SGCD: variants seen among roughly 807,000 people sequenced by gnomAD.
The protein encoded by SGCD is sarcoglycan delta.
SGCD carries 18 observed loss-of-function variants against 36.6 expected under a neutral mutation model. The observed-to-expected ratio is 0.49, with a 90% CI of 0.34 to 0.73. The LOEUF (loss-of-function observed/expected upper bound fraction) is 0.73. Among genes scored for constraint, SGCD ranks in the 30% least tolerant of loss-of-function variants. SGCD has a pLI of 0.01. For missense variants in SGCD, 387 were observed against 346.7 expected, an observed-to-expected ratio of 1.12 and a Z score of -0.92; for synonymous variants, 133 against 130.6, an observed-to-expected ratio of 1.02 and a Z score of -0.12.
chr5:156,402,514 T>A (rs536518931), intron 3 of SGCD, among the ~76,000 whole-genome samples: 1 of 152,276 alleles, frequency 6.6e-6, no homozygotes, highest in Admixed American at 6.5e-5. Flanking sequence ...ACTCCCTTTA[T>A]AGGAGTTTTA....
At chr5:155,826,180 C>G in the SGCD span, among the ~76,000 whole-genome samples, 1 of 152,158 alleles carries the variant, frequency 6.6e-6, no homozygotes, top group Non-Finnish European at 1.5e-5. Flanking sequence ...TATTGCTTTC[C>G]AAACTCAGGG....
At chr5:156,742,370 C>T (rs1034286260) in intron 7 of SGCD, among the ~76,000 whole-genome samples, 2 of 152,108 alleles carry the variant, frequency 1.3e-5, no homozygotes, top group Admixed American at 1.3e-4. Context: ...TATCCACTAT[C>T]CATATACTCT....
intron 4 of SGCD, among the ~76,000 whole-genome samples, chr5:156,529,139 G>T (rs758657878): frequency 1.3e-4 from 20 of 151,972 alleles, no homozygotes; most frequent in Non-Finnish European, 2.8e-4. Flanking sequence ...CTTAAGAAAG[G>T]CACATGGGCC....
intron 3 of SGCD, among the ~76,000 whole-genome samples, chr5:156,450,615 A>G (rs1414307047): frequency 2.6e-5 from 4 of 151,980 alleles, no homozygotes; most frequent in Non-Finnish European, 4.4e-5. Flanking sequence ...TTCCAGATTA[A>G]GAGATTCAAT....
chr5:155,821,367 G>T, the SGCD span, among the ~76,000 whole-genome samples: 1 of 152,008 alleles, frequency 6.6e-6, no homozygotes, highest in Admixed American at 6.6e-5. Context: ...AGGCTGGAGT[G>T]CAGTGGCCCA....
the SGCD span, among the ~76,000 whole-genome samples, chr5:155,753,900 A>T: frequency 6.6e-6 from 1 of 150,918 alleles, no homozygotes. Context: ...GTCACATTTA[A>T]TTTTTTTTTT....
intron 1 of SGCD, among the ~76,000 whole-genome samples, chr5:156,082,967 G>A (rs1373273554): frequency 6.6e-6 from 1 of 151,874 alleles, no homozygotes; most frequent in Non-Finnish European, 1.5e-5. Flanking sequence ...ATCCTGAAAG[G>A]TATGTAGTGG....
At chr5:156,220,232 T>G (rs374675005) in intron 3 of SGCD, among the ~76,000 whole-genome samples, 28 of 152,254 alleles carry the variant, frequency 1.8e-4, no homozygotes, top group Middle Eastern at 6.8e-3. Flanking sequence ...TTTCTGCAGT[T>G]TTATTGCTAT....
At chr5:156,077,317 C>A (rs1250343836) in intron 1 of SGCD, among the ~76,000 whole-genome samples, 3 of 152,138 alleles carry the variant, frequency 2.0e-5, no homozygotes, top group African/African-American at 4.8e-5. Flanking sequence ...TAATCATTTA[C>A]CCATTTCCCC....
chr5:156,272,762 A>G (rs115492698), intron 3 of SGCD, among the ~76,000 whole-genome samples: 321 of 152,326 alleles, frequency 2.1e-3, no homozygotes, highest in African/African-American at 7.3e-3. Flanking sequence ...AACACCAGTT[A>G]TCTTTTAGAG....
At chr5:155,753,606 G>A in the SGCD span, among the ~76,000 whole-genome samples, 1 of 152,204 alleles carries the variant, frequency 6.6e-6, no homozygotes, top group Admixed American at 6.5e-5. Flanking sequence ...AAGAAAGCCT[G>A]CCTTATTCTG....
At chr5:155,904,775 T>C (rs1451703171) in intron 1 of SGCD, among the ~76,000 whole-genome samples, 1 of 152,212 alleles carries the variant, frequency 6.6e-6, no homozygotes, top group Non-Finnish European at 1.5e-5. Flanking sequence ...AAGTACCATC[T>C]TATCTTTTGA....
chr5:155,916,353 T>C (rs1756740945), intron 1 of SGCD, among the ~76,000 whole-genome samples: 1 of 152,178 alleles, frequency 6.6e-6, no homozygotes, highest in Non-Finnish European at 1.5e-5. Flanking sequence ...AGTGGATACA[T>C]TTAGGGTTTC....
In SGCD at chr5:156,051,931, G is replaced by A. The variant is rs146231218; in HGVS notation, c.-281-65947G>A. ...TGAAATGCTGGTGGAGGTGGAAGGC[G>A]TTATGATGTTGTGTCAGGCCTTTTC... On this transcript the variant is annotated intron_variant, in intron 1 of 9. Coordinates refer to the SGCD transcript ENST00000517913. 1.2e-3 allele frequency among the ~76,000 whole-genome samples: 168 copies of A among 146,012 alleles called. 26 individuals are homozygous for A. The highest frequency in any genetic ancestry group is 5.0e-3 in the East Asian group (26 of 5,186).
At chr5:156,434,126 A>G (rs1753143117) in intron 3 of SGCD, among the ~76,000 whole-genome samples, 1 of 152,242 alleles carries the variant, frequency 6.6e-6, no homozygotes, top group South Asian at 2.1e-4. Context: ...GAAAGGCAGT[A>G]TGGAAGGTGT....
intron 1 of SGCD, among the ~76,000 whole-genome samples, chr5:156,067,906 C>T (rs933429598): frequency 3.1e-5 from 4 of 128,918 alleles, no homozygotes; most frequent in Admixed American, 1.4e-4. Context: ...TCTTCTGCGT[C>T]GCTCACGCTG....
intron 2 of SGCD, among the ~76,000 whole-genome samples, chr5:156,336,533 AT>A (rs929274504): frequency 1.3e-5 from 2 of 151,582 alleles, no homozygotes; most frequent in African/African-American, 4.8e-5. Flanking sequence ...CAGTCTAGCT[AT>A]TTTTTTTTAA....
At chr5:156,619,304 C>T (rs1433536574) in intron 6 of SGCD, among the ~76,000 whole-genome samples, 9 of 152,046 alleles carry the variant, frequency 5.9e-5, no homozygotes, top group Admixed American at 5.2e-4. Flanking sequence ...GGATTACAGG[C>T]GTGAGCTGCC....
At chr5:156,730,051 C>T (rs1392757456) in intron 7 of SGCD, among the ~76,000 whole-genome samples, 3 of 152,160 alleles carry the variant, frequency 2.0e-5, no homozygotes. Context: ...GTTTTCTCCA[C>T]CTCCTTTCAC....
Sources: allele counts gnomAD v4.1 joint callset (sites outside exome capture counted in the v4.1 genomes callset), GRCh38; gene constraint gnomAD v4.1.1; transcripts MANE v1.5; gene names NCBI Gene and HGNC (gene_info 2026-07-23, HGNC 2026-07-21).